Variants in SPATA7 observed in about 807,000 individuals in gnomAD.
The protein encoded by SPATA7 is spermatogenesis associated 7.
A neutral mutation model predicts 51.8 loss-of-function variants in SPATA7; 43 were observed. The observed-to-expected ratio is 0.83, with a 90% CI of 0.65 to 1.07. SPATA7 has a LOEUF of 1.07. Ranked by LOEUF, SPATA7 falls within the 50% of genes least tolerant of loss-of-function variation. SPATA7 has a pLI of 0.00. For missense variants in SPATA7, 683 were observed against 701.3 expected (o/e 0.97, Z 0.30); for synonymous variants, 230 against 252.8 (o/e 0.91, Z 0.86).
At chr14:88,389,287 T>C (rs1024104380) in intron 1 of SPATA7, among the ~76,000 whole-genome samples, 1 of 151,932 alleles carries the variant, frequency 6.6e-6, no homozygotes, top group African/African-American at 2.4e-5. Context: ...TGGAGTGCAT[T>C]GCAGCCTCCT....
chr14:88,441,270 C>T (rs2077177153), downstream of SPATA7, among the ~76,000 whole-genome samples: 1 of 151,976 alleles, frequency 6.6e-6, no homozygotes, highest in African/African-American at 2.4e-5. Context: ...GGGCTGGTTC[C>T]ATATTTTTGC....
At chr14:88,421,258 G>C (rs73323533) in intron 5 of SPATA7, among the ~76,000 whole-genome samples, 5,298 of 152,180 alleles carry the variant, frequency 0.035, 303 homozygotes, top group African/African-American at 0.12. Context: ...GTTCAGGATG[G>C]GGAAGTTTCC....
chr14:88,461,983 A>T lies in SPATA7; in HGVS notation c.255-7864A>T, dbSNP rs140955606. Among the ~76,000 whole-genome samples, 289 of 152,270 alleles carry T rather than the reference A, an allele frequency of 1.9e-3. 1 individual carries two copies. Among genetic ancestry groups the T allele is most frequent in the South Asian group, 3.1e-3 (15 of 4,812 alleles). ...AACTTGTTGTCTCTGGAGAATATTC[A>T]GTTTTTTCAACCTGTTTGTTGGTCT... On this transcript the variant is annotated intron_variant, in intron 4 of 4. Coordinates refer to the SPATA7 transcript ENST00000556406.
At chr14:88,421,123 A>AG (rs1416838716) in intron 5 of SPATA7, among the ~76,000 whole-genome samples, 2 of 152,130 alleles carry the variant, frequency 1.3e-5, no homozygotes, top group Admixed American at 6.5e-5. Flanking sequence ...AAAAAAAAAA[A>AG]TAATTAATTA....
chr14:88,402,825 A>G (rs2076097748), intron 4 of SPATA7, among the ~76,000 whole-genome samples: 1 of 152,128 alleles, frequency 6.6e-6, no homozygotes, highest in Non-Finnish European at 1.5e-5. Flanking sequence ...CAAACTCAAA[A>G]GCTTTTGTAC....
chr14:88,447,998 G>A (rs1485294951), intron 3 of SPATA7, among the ~76,000 whole-genome samples: 10 of 151,716 alleles, frequency 6.6e-5, no homozygotes, highest in East Asian at 5.8e-4. Flanking sequence ...TCTTTGTGGC[G>A]TTCTCTGTAT....
Position 88,385,754 on chromosome 14 carries a change from C to T in SPATA7, c.-65C>T. Reference sequence around the variant, plus strand: ...CCAGTCCTCCACTGCCGGGGCTGGGCCCGGCCGCGGGAAGGACCGAAGGGG... The same window carrying T: ...CCAGTCCTCCACTGCCGGGGCTGGGTCCGGCCGCGGGAAGGACCGAAGGGG... On this transcript the variant is annotated 5_prime_UTR_variant, in exon 1 of 12. Transcript: ENST00000393545. 1 of 1,519,178 alleles carries T rather than the reference C, an allele frequency of 6.6e-7. No individual in the cohort carries two copies. Among genetic ancestry groups the T allele is most frequent in the Non-Finnish European group, 9.0e-7 (1 of 1,107,840 alleles). The allele number at this position is 1,519,178 out of a possible 1,614,324, so 94.1% of individuals were successfully genotyped here.
At chr14:88,468,832 A>G in intron 4 of SPATA7, 1 of 1,563,404 alleles carries the variant, frequency 6.4e-7, no homozygotes, top group Non-Finnish European at 8.8e-7. Context: ...AATGTGCGCA[A>G]AAAGAGCTAT....
chr14:88,431,347 A>G, intron 9 of SPATA7, 122 bp downstream of exon 9: 2 of 937,916 alleles, frequency 2.1e-6, no homozygotes, highest in Non-Finnish European at 3.5e-6. Context: ...CAAGTAATAA[A>G]TGTACATATT....
At chr14:88,466,332 G>C (rs1244746210) in intron 4 of SPATA7, 1 of 152,044 alleles carries the variant, frequency 6.6e-6, no homozygotes, top group Non-Finnish European at 1.5e-5. Context: ...CTTTCAATTA[G>C]TTTTCATTAA....
intron 3 of SPATA7, among the ~76,000 whole-genome samples, chr14:88,448,676 T>C: frequency 6.6e-6 from 1 of 152,222 alleles, no homozygotes; most frequent in Non-Finnish European, 1.5e-5. Context: ...GTGGATGTCT[T>C]TTCTGTTTGT....
Position 88,426,329 on chromosome 14 carries a change from T to G in SPATA7, c.470T>G (p.Leu157Arg), listed in dbSNP as rs1053255812. The G allele has an allele frequency of 1.9e-6, 3 of 1,614,144 alleles. No homozygotes were observed. The highest frequency in any genetic ancestry group is 2.5e-6 in the Non-Finnish European group (3 of 1,179,980). ...TCACTAGTACCCTCTTCAGAGAGAC[T>G]ACACCTAAGTCTACATAAATCCAGT... ...ARSLVPSSER[L>R]HLSLHKSSKV... The change falls in exon 6 of 12, where the codon CTA (leucine) becomes CGA (arginine). Residue 157 changes from leucine to arginine, a missense_variant. Physicochemically the swap from Leu to Arg is moderately radical, Grantham distance 102 (BLOSUM62 -2). Transcript: ENST00000393545.
intron 3 of SPATA7, among the ~76,000 whole-genome samples, chr14:88,444,395 G>A (rs1055487680): frequency 2.0e-5 from 3 of 151,886 alleles, no homozygotes; most frequent in African/African-American, 7.3e-5. Flanking sequence ...CCCTTTGTCA[G>A]ATGAGTAGGT....
At chr14:88,452,792 C>T (rs1243137734) in intron 3 of SPATA7, among the ~76,000 whole-genome samples, 1 of 152,192 alleles carries the variant, frequency 6.6e-6, no homozygotes, top group African/African-American at 2.4e-5. Context: ...CACTTGCTAA[C>T]ACAATAAAGT....
chr14:88,443,471 G>GTATT (rs922437454), intron 3 of SPATA7, among the ~76,000 whole-genome samples: 7 of 144,240 alleles, frequency 4.9e-5, no homozygotes, highest in Non-Finnish European at 5.9e-5. Context: ...CTTATTTCTT[G>GTATT]TATTTATTTA....
chr14:88,465,161 G>A (rs2077348221), intron 4 of SPATA7, among the ~76,000 whole-genome samples: 1 of 152,126 alleles, frequency 6.6e-6, no homozygotes, highest in Non-Finnish European at 1.5e-5. Context: ...CATTCCAAAT[G>A]ATATTCTAAA....
chr14:88,426,539 A>T lies in SPATA7; in HGVS notation c.680A>T (p.Asp227Val). The change falls in exon 6 of 12, where the codon GAT becomes GTT. Residue 227 changes from aspartate (D) to valine (V), a missense_variant. Asp to Val is a radical substitution (Grantham distance 152). Transcript: ENST00000393545. ...ISKAPSGDLL[D>V]KHSELFSNKQ... ...AAAGCACCCAGTGGGGATCTTTTGG[A>T]TAAACATTCTGAACTCTTTTCTAAC... The T allele has an allele frequency of 6.2e-7, 1 of 1,614,198 alleles. No homozygotes were observed.
At chr14:88,458,785 G>A (rs944220405), downstream of SPATA7, among the ~76,000 whole-genome samples, 2 of 152,026 alleles carry the variant, frequency 1.3e-5, no homozygotes, top group Non-Finnish European at 2.9e-5. Context: ...GTTTGCTCTT[G>A]CTTCTCTAGT....
downstream of SPATA7, chr14:88,438,490 T>C (rs570959396): frequency 1.6e-6 from 2 of 1,228,672 alleles, no homozygotes; most frequent in Admixed American, 1.9e-5. Context: ...TTAAAATGTA[T>C]GTATAAGATT....
Sources: allele counts gnomAD v4.1 joint callset (sites outside exome capture counted in the v4.1 genomes callset), GRCh38; gene constraint gnomAD v4.1.1; transcripts MANE v1.5; gene names NCBI Gene and HGNC (gene_info 2026-07-23, HGNC 2026-07-21).